The following SH3RF3 variants were observed in gnomAD, a reference collection of about 807,000 sequenced individuals.
SH3RF3 encodes SH3 domain containing ring finger 3, also known as E3 ubiquitin-protein ligase SH3RF3.
Under a neutral mutation model 66.3 loss-of-function variants are expected in SH3RF3, and 29 were observed. The ratio of observed to expected loss-of-function variants is 0.44; its 90% CI spans 0.33 to 0.60. SH3RF3 has a LOEUF of 0.60. Ranked by LOEUF, SH3RF3 falls within the 20% of genes least tolerant of loss-of-function variation. SH3RF3 has a pLI of 0.04. For missense variants in SH3RF3, 1,194 were observed against 1,190.9 expected, an observed-to-expected ratio of 1.00 and a Z score of -0.04; for synonymous variants, 583 against 532.0, an observed-to-expected ratio of 1.10 and a Z score of -1.32.
intron 1 of SH3RF3, among the ~76,000 whole-genome samples, chr2:109,148,355 A>C (rs1289957425): frequency 6.6e-6 from 1 of 152,196 alleles, no homozygotes; most frequent in African/African-American, 2.4e-5. Context: ...GTGGTTCTTC[A>C]TGTCACTATG....
intron 1 of SH3RF3, among the ~76,000 whole-genome samples, chr2:109,288,270 CTG>C (rs1415712209): frequency 6.6e-6 from 1 of 152,230 alleles, no homozygotes; most frequent in East Asian, 1.9e-4. Context: ...CTGTCATTAA[CTG>C]TAATTGCTTT....
At chr2:109,445,400 T>A (rs972589753) in intron 7 of SH3RF3, among the ~76,000 whole-genome samples, 4 of 151,944 alleles carry the variant, frequency 2.6e-5, no homozygotes, top group Non-Finnish European at 5.9e-5. Context: ...ACTTAAAGCA[T>A]CAAAGGATAA....
chr2:109,369,067 G>A lies in SH3RF3; in HGVS notation c.850-2519G>A, dbSNP rs997629010. The stretch of plus-strand genomic sequence containing the variant: ...TAGAAAAGCCCTCCCACACTTGGCC[G>A]GGCATGGTGGCTCACGCCTATAATC... On this transcript the variant is annotated intron_variant, in intron 2 of 9. Coordinates refer to ENST00000309415, the MANE Select transcript of SH3RF3 (RefSeq NM_001099289.3). 4.6e-5 allele frequency among the ~76,000 whole-genome samples: 7 copies of A among 152,242 alleles called. No individual in the cohort carries two copies. In the East Asian group the frequency reaches 7.7e-4, roughly 17 times the overall value.
chr2:109,498,093 C>G (rs1478994216), intron 9 of SH3RF3, among the ~76,000 whole-genome samples: 5 of 152,178 alleles, frequency 3.3e-5, no homozygotes, highest in Non-Finnish European at 4.4e-5. Flanking sequence ...GGAGGGCCAG[C>G]AGGAAGCCCT....
chr2:109,345,248 G>C (rs544554288), intron 1 of SH3RF3, among the ~76,000 whole-genome samples: 1 of 152,226 alleles, frequency 6.6e-6, no homozygotes, highest in Non-Finnish European at 1.5e-5. Context: ...GTGTCTTCAG[G>C]TGGCCTTTAT....
intron 1 of SH3RF3, among the ~76,000 whole-genome samples, chr2:109,143,459 T>C (rs1336419677): frequency 6.6e-6 from 1 of 152,108 alleles, no homozygotes; most frequent in Admixed American, 6.5e-5. Flanking sequence ...GAAAGTGCAG[T>C]GGGCTGGGTG....
chr2:109,352,115 T>C (rs1040980354), intron 2 of SH3RF3, among the ~76,000 whole-genome samples: 3 of 152,194 alleles, frequency 2.0e-5, no homozygotes, highest in African/African-American at 7.2e-5. Context: ...TTTTTTAACT[T>C]TAAATGGAGT....
chr2:109,501,900 C>A lies in SH3RF3; in HGVS notation c.*229C>A. The A allele has an allele frequency of 2.0e-6, 1 of 505,786 alleles. No homozygotes were observed. The highest frequency in any genetic ancestry group is 3.5e-6 in the Non-Finnish European group (1 of 282,256). 31.3% of individuals were successfully genotyped at this position (505,786 alleles called of 1,614,324 possible). A position where few individuals can be genotyped will look rare whatever the true frequency, so the allele number is the denominator to read the frequency against. On this transcript the variant is annotated 3_prime_UTR_variant, in exon 10 of 10. Transcript: ENST00000309415. ...GATGTTCTTCAAGGAAATGCCCACC[C>A]CCTCTGTGGAAACTGCAAAGAAAGC...
chr2:109,403,946 T>G (rs1365574217), intron 4 of SH3RF3, among the ~76,000 whole-genome samples: 1 of 152,118 alleles, frequency 6.6e-6, no homozygotes, highest in Admixed American at 6.5e-5. Flanking sequence ...CCTTGGTAGG[T>G]GTACCTTGAG....
intron 5 of SH3RF3, among the ~76,000 whole-genome samples, chr2:109,429,521 G>A (rs1236750781): frequency 1.3e-5 from 2 of 152,248 alleles, no homozygotes; most frequent in South Asian, 2.1e-4. Context: ...ATCTCCCTAC[G>A]CGTTGGCCAC....
chr2:109,394,048 T>G (rs2104422679), intron 3 of SH3RF3, among the ~76,000 whole-genome samples: 1 of 152,198 alleles, frequency 6.6e-6, no homozygotes, highest in African/African-American at 2.4e-5. Flanking sequence ...TCTTCTCTAT[T>G]CAACCCAGCC....
At chr2:109,294,080 A>G (rs1323321523) in intron 1 of SH3RF3, among the ~76,000 whole-genome samples, 1 of 152,106 alleles carries the variant, frequency 6.6e-6, no homozygotes, top group Non-Finnish European at 1.5e-5. Context: ...TCCTTCTGAC[A>G]TGTAAGATGG....
At chr2:109,231,175 G>A (rs1679505109) in intron 1 of SH3RF3, among the ~76,000 whole-genome samples, 1 of 152,240 alleles carries the variant, frequency 6.6e-6, no homozygotes, top group Non-Finnish European at 1.5e-5. Flanking sequence ...GGCCAGAGCG[G>A]CTTTGCCGAA....
chr2:109,305,777 C>T (rs1242062634), intron 1 of SH3RF3, among the ~76,000 whole-genome samples: 2 of 152,336 alleles, frequency 1.3e-5, no homozygotes, highest in African/African-American at 2.4e-5. Context: ...AGACAGATGC[C>T]ACAAAACTTG....
At position 109,369,411 on chromosome 2, in the gene SH3RF3, G is replaced by A. The variant is rs192757346; in HGVS notation, c.850-2175G>A. ...CAACGCTGAGCGTTGCTGGAGGGAC[G>A]CTCTGCTAAATGCCCCCAGACCTGA... is the stretch of plus-strand genomic sequence containing the variant. On this transcript the variant is annotated intron_variant, in intron 2 of 9. Transcript: ENST00000309415. Among the ~76,000 whole-genome samples the A allele has an allele frequency of 8.5e-5, 13 of 152,330 alleles. No homozygotes were observed. The East Asian group carries it at 2.5e-3, about 29-fold the overall frequency.
At chr2:109,339,068 C>A (rs768566055) in intron 1 of SH3RF3, among the ~76,000 whole-genome samples, 4 of 152,124 alleles carry the variant, frequency 2.6e-5, no homozygotes, top group Non-Finnish European at 5.9e-5. Context: ...AGTGGATCAT[C>A]ATAAAGGTCT....
chr2:109,454,115 TAAG>T (rs1222258046), intron 8 of SH3RF3, among the ~76,000 whole-genome samples: 2 of 152,188 alleles, frequency 1.3e-5, no homozygotes, highest in Admixed American at 6.5e-5. Flanking sequence ...CATGGTGAGA[TAAG>T]AGAGAGAAGA....
intron 8 of SH3RF3, among the ~76,000 whole-genome samples, chr2:109,450,284 T>C (rs1210392901): frequency 1.3e-5 from 2 of 151,552 alleles, no homozygotes; most frequent in Admixed American, 6.6e-5. Context: ...GGGCAGAGCC[T>C]GCAGTGAGCC....
chr2:109,292,525 G>A (rs1036884111), intron 1 of SH3RF3, among the ~76,000 whole-genome samples: 2 of 152,134 alleles, frequency 1.3e-5, no homozygotes, highest in Admixed American at 6.5e-5. Flanking sequence ...CCTATCCGAC[G>A]TTTAGCTTGT....
Sources: gnomAD v4.1 joint callset for allele counts (sites outside exome capture counted in the v4.1 genomes callset) on GRCh38, gnomAD v4.1.1 for gene constraint, MANE v1.5 for transcripts, NCBI Gene and HGNC (gene_info 2026-07-23, HGNC 2026-07-21) for gene names.